The following DLGAP4 variants were observed in gnomAD, a reference collection of about 807,000 sequenced individuals.
The protein encoded by DLGAP4 is DLG associated protein 4, also known as disks large-associated protein 4.
A neutral mutation model predicts 86.9 loss-of-function variants in DLGAP4; 18 were observed. The observed-to-expected ratio is 0.21, with a 90% CI of 0.14 to 0.31. DLGAP4 has a LOEUF of 0.31. Ranked by LOEUF, DLGAP4 falls within the 10% of genes least tolerant of loss-of-function variation. The probability of loss-of-function intolerance (pLI) is 1.00; values close to 1 mark genes in which losing one functional copy is unlikely to be tolerated. For missense variants in DLGAP4, 1,085 were observed against 1,362.6 expected, an observed-to-expected ratio of 0.80 and a Z score of 3.21; for synonymous variants, 548 against 574.3, an observed-to-expected ratio of 0.95 and a Z score of 0.65.
chr20:36,347,351 A>C lies in DLGAP4; in HGVS notation c.-303-19694A>C, dbSNP rs551339818. Among the ~76,000 whole-genome samples the C allele has an allele frequency of 1.3e-3, 194 of 152,216 alleles. 1 individual carries two copies. The highest frequency in any genetic ancestry group is 3.5e-4 in the Non-Finnish European group (24 of 68,002). On this transcript the variant is annotated intron_variant, in intron 1 of 12. Transcript: ENST00000339266. Reference sequence around the variant, plus strand: ...AAGATGGATTCTTTAGTGTGTGTGGAAGGGGCAGAGAGAGAGGAGTCAGGG... The same window carrying C: ...AAGATGGATTCTTTAGTGTGTGTGGCAGGGGCAGAGAGAGAGGAGTCAGGG...
intron 7 of DLGAP4, among the ~76,000 whole-genome samples, chr20:36,476,705 G>GTTT (rs35699904): frequency 3.9e-4 from 33 of 85,316 alleles, no homozygotes; most frequent in African/African-American, 4.8e-4. Context: ...TTTTTTTTTG[G>GTTT]TTTTTTTTTT....
intron 1 of DLGAP4, among the ~76,000 whole-genome samples, chr20:36,322,285 G>C (rs2065176008): frequency 6.6e-6 from 1 of 152,202 alleles, no homozygotes; most frequent in Non-Finnish European, 1.5e-5. Context: ...GGTGAGGCTG[G>C]AGTGTTGGGA....
chr20:36,366,159 G>A (rs1408766544), intron 1 of DLGAP4, among the ~76,000 whole-genome samples: 5 of 152,038 alleles, frequency 3.3e-5, no homozygotes, highest in East Asian at 1.9e-4. Flanking sequence ...TTGCTCTGTC[G>A]CCCAGGCTGG....
At chr20:36,499,539 T>C in intron 8 of DLGAP4, 49 bp from the exon 9 acceptor site, 1 of 1,578,028 alleles carries the variant, frequency 6.3e-7, no homozygotes, top group Non-Finnish European at 8.7e-7. Flanking sequence ...GTTTGTTTTT[T>C]ATTTTTGTCT....
intron 2 of DLGAP4, among the ~76,000 whole-genome samples, chr20:36,376,785 G>C (rs140633115): frequency 7.2e-5 from 11 of 152,162 alleles, no homozygotes; most frequent in African/African-American, 2.4e-4. Context: ...CCAGGGTCCC[G>C]CGTCTCTTCC....
chr20:36,499,172 T>TTGTGTG, intron 8 of DLGAP4: 1 of 1,286,218 alleles, frequency 7.8e-7, no homozygotes, highest in Non-Finnish European at 1.1e-6. Flanking sequence ...GGCTGTGGCT[T>TTGTGTG]TGTGTGTGTG....
chr20:36,437,267 C>T (rs750732614), intron 4 of DLGAP4, among the ~76,000 whole-genome samples: 13 of 152,238 alleles, frequency 8.5e-5, no homozygotes, highest in African/African-American at 2.9e-4. Context: ...GCCCTGACCA[C>T]AGGTGAGCTG....
At chr20:36,472,500 CAAA>C (rs1217814412) in intron 7 of DLGAP4, among the ~76,000 whole-genome samples, 15 of 76,324 alleles carry the variant, frequency 2.0e-4, no homozygotes, top group Admixed American at 3.0e-4. Flanking sequence ...AACCCTGTCT[CAAA>C]AAAAAAAAAA....
chr20:36,467,316 G>T lies in DLGAP4; in HGVS notation c.1648+20379G>T, dbSNP rs1307421548. Among the ~76,000 whole-genome samples the T allele has an allele frequency of 2.0e-5, 3 of 152,224 alleles. No homozygotes were observed. In the East Asian group the frequency reaches 5.8e-4, roughly 29 times the overall value. On this transcript the variant is annotated intron_variant, in intron 7 of 12. Coordinates refer to ENST00000339266, the MANE Select transcript of DLGAP4 (RefSeq NM_001365621.2). ...TTTGAGGGGAGCTGGATTTGCAGAGGCAGAGGGTGGTGCCGACATTCCAGG... is the reference window on the plus strand; with the variant it reads ...TTTGAGGGGAGCTGGATTTGCAGAGTCAGAGGGTGGTGCCGACATTCCAGG...
At chr20:36,526,694 T>C in intron 12 of DLGAP4, 119 bp from the exon 13 acceptor site, 1 of 894,570 alleles carries the variant, frequency 1.1e-6, no homozygotes, top group Non-Finnish European at 1.7e-6. Flanking sequence ...GTGTTGCTTG[T>C]GCCCGATGCG....
intron 7 of DLGAP4, among the ~76,000 whole-genome samples, chr20:36,452,906 C>T (rs1292967357): frequency 8.2e-5 from 12 of 145,512 alleles, no homozygotes; most frequent in African/African-American, 2.8e-4. Flanking sequence ...GATCTCGGCT[C>T]ACTGCAACCT....
chr20:36,520,701 A>G (rs954909622), intron 10 of DLGAP4, among the ~76,000 whole-genome samples: 3 of 151,620 alleles, frequency 2.0e-5, no homozygotes, highest in South Asian at 2.1e-4. Context: ...AATGACGTCT[A>G]GTTTATCTGC....
At chr20:36,472,703 C>T (rs1206295568) in intron 7 of DLGAP4, among the ~76,000 whole-genome samples, 2 of 151,988 alleles carry the variant, frequency 1.3e-5, no homozygotes, top group African/African-American at 2.4e-5. Context: ...CCAAATTGTT[C>T]TAGTCGTAAA....
chr20:36,464,803 T>C (rs2034267036), intron 7 of DLGAP4, among the ~76,000 whole-genome samples: 1 of 151,970 alleles, frequency 6.6e-6, no homozygotes, highest in East Asian at 1.9e-4. Context: ...TGAGCTGAGA[T>C]TGCACCATTG....
chr20:36,525,248 A>C (rs1184668634), intron 11 of DLGAP4, among the ~76,000 whole-genome samples: 6 of 72,770 alleles, frequency 8.2e-5, no homozygotes, highest in East Asian at 4.7e-4. Context: ...AAAAAAAAAA[A>C]AAAAAACAAA....
chr20:36,404,934 G>C (rs55686548), intron 2 of DLGAP4, among the ~76,000 whole-genome samples: 9,646 of 152,314 alleles, frequency 0.063, 514 homozygotes, highest in South Asian at 0.24. Context: ...TGCGGTCGAG[G>C]GGGTAGTTGA....
At chr20:36,381,893 A>T (rs1469977035) in intron 2 of DLGAP4, among the ~76,000 whole-genome samples, 1 of 152,112 alleles carries the variant, frequency 6.6e-6, no homozygotes, top group Admixed American at 6.5e-5. Flanking sequence ...CAGCGATGGG[A>T]GTGGGCTGCA....
At chr20:36,389,167 T>A (rs1258598663) in intron 2 of DLGAP4, among the ~76,000 whole-genome samples, 1 of 152,154 alleles carries the variant, frequency 6.6e-6, no homozygotes, top group Non-Finnish European at 1.5e-5. Flanking sequence ...AAATTGGATA[T>A]GTGAATCTAG....
intron 7 of DLGAP4, among the ~76,000 whole-genome samples, chr20:36,477,423 T>C (rs1166233392): frequency 6.6e-6 from 1 of 152,236 alleles, no homozygotes; most frequent in Non-Finnish European, 1.5e-5. Context: ...ACAATGCACA[T>C]CTAAGCTTAT....
Sources: gnomAD v4.1 joint callset for allele counts (sites outside exome capture counted in the v4.1 genomes callset) on GRCh38, gnomAD v4.1.1 for gene constraint, MANE v1.5 for transcripts, NCBI Gene and HGNC (gene_info 2026-07-23, HGNC 2026-07-21) for gene names.